PCDHA5: variants seen among roughly 807,000 people sequenced by gnomAD.
PCDHA5 encodes the protein protocadherin alpha-5.
Under a neutral mutation model 61.6 loss-of-function variants are expected in PCDHA5, and 43 were observed. The ratio of observed to expected loss-of-function variants is 0.70; its 90% CI spans 0.55 to 0.90. The LOEUF (loss-of-function observed/expected upper bound fraction) is 0.90, where lower values mean the gene tolerates loss of function less well. Ranked by LOEUF, PCDHA5 falls within the 40% of genes least tolerant of loss-of-function variation. The pLI is 0.00. For missense variants in PCDHA5, 1,298 were observed against 1,222.7 expected, an observed-to-expected ratio of 1.06 and a Z score of -0.92; for synonymous variants, 627 against 543.9, an observed-to-expected ratio of 1.15 and a Z score of -2.13.
intron 1 of PCDHA5, 78 bp from the exon 2 acceptor site, chr5:140,978,871 T>G: frequency 6.2e-7 from 1 of 1,606,510 alleles, no homozygotes; most frequent in Non-Finnish European, 8.5e-7. Context: ...TTTAAGGGAG[T>G]AACTAATCAA....
intron 1 of PCDHA5, chr5:140,830,325 T>A: frequency 6.2e-7 from 1 of 1,613,570 alleles, no homozygotes. Context: ...TCCAGCGCAG[T>A]GGGGAGCTGG....
intron 1 of PCDHA5, chr5:140,868,151 C>A (rs1421051830): frequency 6.6e-6 from 1 of 151,990 alleles, no homozygotes. Flanking sequence ...GATTCTGTTA[C>A]ATAAAGTGCT....
intron 1 of PCDHA5, among the ~76,000 whole-genome samples, chr5:140,961,765 T>C (rs2095634679): frequency 6.6e-6 from 1 of 152,244 alleles, no homozygotes; most frequent in African/African-American, 2.4e-5. Flanking sequence ...AAGGAATTTA[T>C]ATCAAGCTTA....
intron 1 of PCDHA5, among the ~76,000 whole-genome samples, chr5:140,912,341 G>GT (rs1430124831): frequency 9.5e-5 from 12 of 126,362 alleles, no homozygotes; most frequent in African/African-American, 4.2e-4. Flanking sequence ...AGTACACTAA[G>GT]TATTTTTTTT....
At chr5:140,841,317 T>A in intron 1 of PCDHA5, 1 of 1,600,298 alleles carries the variant, frequency 6.2e-7, no homozygotes, top group Non-Finnish European at 8.5e-7. Flanking sequence ...AAACGACTAT[T>A]TAACATGGAT....
At chr5:140,886,101 A>G (rs1554182351) in intron 1 of PCDHA5, among the ~76,000 whole-genome samples, 1 of 152,228 alleles carries the variant, frequency 6.6e-6, no homozygotes, top group Admixed American at 6.5e-5. Context: ...ACATTGATAC[A>G]GTAAAGAAGT....
In PCDHA5 at chr5:140,858,143, A is replaced by T. The variant is rs781919234; in HGVS notation, c.2352+34016A>T. 1.9e-6 allele frequency: 3 copies of T among 1,597,218 alleles called. No homozygotes were observed. The South Asian group carries it at 3.3e-5, about 18-fold the overall frequency. On this transcript the variant is annotated intron_variant, in intron 1 of 3. Transcript: ENST00000529859. The stretch of plus-strand genomic sequence containing the variant: ...CCTGGTGGATGTCAACGTGTACCTG[A>T]TCATCGCCATCTGCGCGGTGTCCAG...
At chr5:140,973,921 C>T (rs1407436010) in intron 1 of PCDHA5, among the ~76,000 whole-genome samples, 1 of 152,210 alleles carries the variant, frequency 6.6e-6, no homozygotes, top group Non-Finnish European at 1.5e-5. Context: ...TGTCACCAAA[C>T]CCAGAGGTTT....
chr5:140,826,791 G>A (rs1434779274), intron 1 of PCDHA5, among the ~76,000 whole-genome samples: 2 of 152,138 alleles, frequency 1.3e-5, no homozygotes, highest in African/African-American at 4.8e-5. Flanking sequence ...CCTGCAAAAA[G>A]TTGATTACCT....
chr5:140,912,532 G>T (rs1554195398), intron 1 of PCDHA5, among the ~76,000 whole-genome samples: 1 of 152,092 alleles, frequency 6.6e-6, no homozygotes, highest in African/African-American at 2.4e-5. Flanking sequence ...CAGAGTACAT[G>T]ATCATATTGT....
intron 1 of PCDHA5, chr5:140,968,409 C>G: frequency 3.7e-6 from 6 of 1,614,024 alleles, no homozygotes; most frequent in South Asian, 1.1e-5. Context: ...TTCTTTGTGA[C>G]TGTGGAGGCT....
At chr5:141,008,698 G>A (rs246582) in intron 3 of PCDHA5, among the ~76,000 whole-genome samples, 2,594 of 152,212 alleles carry the variant, frequency 0.017, 88 homozygotes, top group African/African-American at 0.059. Context: ...GTATTAAGTT[G>A]GTTTCTAGTT....
intron 1 of PCDHA5, among the ~76,000 whole-genome samples, chr5:140,918,920 G>A (rs1470075085): frequency 6.6e-6 from 1 of 152,204 alleles, no homozygotes; most frequent in Non-Finnish European, 1.5e-5. Context: ...TAACTACACA[G>A]CATATGGCAT....
At chr5:140,882,131 C>A (rs1236835670) in intron 1 of PCDHA5, 2 of 1,475,734 alleles carry the variant, frequency 1.4e-6, no homozygotes, top group South Asian at 1.4e-5. Context: ...TTTCTTCCTG[C>A]AGAAAATATA....
chr5:141,000,447 G>C (rs2097938373), intron 3 of PCDHA5, among the ~76,000 whole-genome samples: 1 of 41,758 alleles, frequency 2.4e-5, no homozygotes, highest in Admixed American at 2.7e-4. Flanking sequence ...TTTTTTTTGA[G>C]ACAGAGTTTT....
intron 1 of PCDHA5, among the ~76,000 whole-genome samples, chr5:140,873,433 C>A (rs1404157271): frequency 2.0e-5 from 3 of 152,116 alleles, no homozygotes; most frequent in African/African-American, 7.2e-5. Context: ...TATTTTATAT[C>A]ACATAAATAA....
At position 140,823,662 on chromosome 5, in the gene PCDHA5, G is replaced by A. The variant is rs1385284289; in HGVS notation, c.1887G>A (p.Glu629=). Reference sequence around the variant, plus strand: ...TCCGCGTGGGGCTGTACACAGGCGAGATCAGCACAACACGCTCTCTGGATG... The same window carrying A: ...TCCGCGTGGGGCTGTACACAGGCGAAATCAGCACAACACGCTCTCTGGATG... ...IPFRVGLYTG[E]ISTTRSLDET... is the part of the protein sequence containing the mutation. The change falls in exon 1 of 4, where the codon GAG becomes GAA. Residue 629 remains glutamate, a synonymous_variant. Coordinates refer to ENST00000529859, the MANE Select transcript of PCDHA5 (RefSeq NM_018908.3). 4 of 1,613,946 alleles carry A rather than the reference G, an allele frequency of 2.5e-6. No homozygotes were observed. The highest frequency in any genetic ancestry group is 2.7e-5 in the African/African-American group (2 of 74,948).
At chr5:140,901,697 C>T (rs57431111) in intron 1 of PCDHA5, among the ~76,000 whole-genome samples, 1,867 of 152,140 alleles carry the variant, frequency 0.012, 40 homozygotes, top group African/African-American at 0.043. Context: ...TTTTGTAGTT[C>T]TATATACATT....
At chr5:140,882,172 T>C (rs1582596670) in intron 1 of PCDHA5, 2 of 1,514,998 alleles carry the variant, frequency 1.3e-6, no homozygotes, top group South Asian at 2.7e-5. Context: ...TGCGAATCCT[T>C]CCGCACTAGG....
Sources: gnomAD v4.1 joint callset for allele counts (sites outside exome capture counted in the v4.1 genomes callset) on GRCh38, gnomAD v4.1.1 for gene constraint, MANE v1.5 for transcripts, NCBI Gene and HGNC (gene_info 2026-07-23, HGNC 2026-07-21) for gene names.